DNER: variants seen among roughly 807,000 people sequenced by gnomAD.
The protein encoded by DNER is delta/notch like EGF repeat containing, also known as delta and Notch-like epidermal growth factor-related receptor.
Under a neutral mutation model 78.2 loss-of-function variants are expected in DNER, and 33 were observed. The ratio of observed to expected loss-of-function variants is 0.42; its 90% confidence interval spans 0.32 to 0.56. The LOEUF is 0.56. Among genes scored for constraint, DNER ranks in the 20% least tolerant of loss-of-function variants. DNER has a pLI of 0.11. For missense variants in DNER, 918 were observed against 975.3 expected, an observed-to-expected ratio of 0.94 and a Z score of 0.78; for synonymous variants, 417 against 384.8, an observed-to-expected ratio of 1.08 and a Z score of -0.98.
At chr2:229,435,504 G>T (rs1467214012) in intron 8 of DNER, among the ~76,000 whole-genome samples, 1 of 152,172 alleles carries the variant, frequency 6.6e-6, no homozygotes, top group East Asian at 1.9e-4. Flanking sequence ...TGATTGCCAG[G>T]TACAATGTCT....
chr2:229,366,026 G>A (rs1270265353), intron 12 of DNER, among the ~76,000 whole-genome samples: 4 of 152,272 alleles, frequency 2.6e-5, no homozygotes, highest in South Asian at 4.1e-4. Context: ...AAGTAAATAT[G>A]GGGTTTTCTG....
At chr2:229,366,558 A>C (rs546948069) in intron 12 of DNER, among the ~76,000 whole-genome samples, 1 of 152,326 alleles carries the variant, frequency 6.6e-6, no homozygotes, top group South Asian at 2.1e-4. Context: ...GACATTCCCC[A>C]AAAAAATTCA....
chr2:229,687,887 A>G (rs1458456032), intron 1 of DNER, among the ~76,000 whole-genome samples: 1 of 152,136 alleles, frequency 6.6e-6, no homozygotes, highest in Non-Finnish European at 1.5e-5. Flanking sequence ...AGTCAACTCT[A>G]CCTTAACTGT....
At chr2:229,551,861 G>A (rs1696748586) in intron 4 of DNER, among the ~76,000 whole-genome samples, 1 of 152,112 alleles carries the variant, frequency 6.6e-6, no homozygotes, top group Non-Finnish European at 1.5e-5. Flanking sequence ...GAACCCGGGA[G>A]GCGGAGGTTG....
chr2:229,387,483 A>AAAAG (rs58243326), intron 11 of DNER, among the ~76,000 whole-genome samples: 9,850 of 110,546 alleles, frequency 0.089, 1,215 homozygotes, highest in Non-Finnish European at 0.11. Context: ...AATAGAAAGA[A>AAAAG]AAAGAAAGAA....
At chr2:229,586,084 G>C in intron 3 of DNER, 60 bp from the exon 4 acceptor site, 1 of 1,524,432 alleles carries the variant, frequency 6.6e-7, no homozygotes, top group Non-Finnish European at 8.8e-7. Flanking sequence ...CTTAGAACCA[G>C]TTCTTCAAAT....
chr2:229,502,422 CTG>C (rs60473102), intron 6 of DNER, among the ~76,000 whole-genome samples: 20,914 of 152,066 alleles, frequency 0.14, 1,495 homozygotes, highest in South Asian at 0.19. Flanking sequence ...AATGCCAAAA[CTG>C]TACTGCTTGT....
At position 229,566,226 on chromosome 2, in the gene DNER, T is replaced by C. The variant is rs571118659; in HGVS notation, c.848-19134A>G. Among the ~76,000 whole-genome samples the C allele has an allele frequency of 5.3e-5, 8 of 152,314 alleles. No individual in the cohort carries two copies. The South Asian group carries it at 1.4e-3, about 28-fold the overall frequency. ...TTACCTGCCTGGCTATTGCAAGCAT[T>C]GTGAACATGATCTTTCAATTGTCTT... On this transcript the variant is annotated intron_variant, in intron 4 of 12. Coordinates refer to ENST00000341772, the MANE Select transcript of DNER (RefSeq NM_139072.4).
In DNER at chr2:229,601,427, C is replaced by T. The variant is rs186010929; in HGVS notation, c.277-9539G>A. ...TTCCCAAATCCAAATAATAAAAATG[C>T]TCATTCGCTTTACTGAATCAAGAAC... On this transcript the variant is annotated intron_variant, in intron 1 of 12. Coordinates refer to ENST00000341772, the MANE Select transcript of DNER (RefSeq NM_139072.4). 3.1e-3 allele frequency among the ~76,000 whole-genome samples: 466 copies of T among 152,282 alleles called. 5 individuals are homozygous for T. Among genetic ancestry groups the T allele is most frequent in the Non-Finnish European group, 4.8e-3 (325 of 68,018 alleles).
At chr2:229,496,577 A>G (rs1695507433) in intron 6 of DNER, among the ~76,000 whole-genome samples, 1 of 152,140 alleles carries the variant, frequency 6.6e-6, no homozygotes, top group Admixed American at 6.6e-5. Flanking sequence ...ACTTTTAAGG[A>G]CACACATAGA....
intron 1 of DNER, among the ~76,000 whole-genome samples, chr2:229,713,617 C>G (rs1699942203): frequency 6.6e-6 from 1 of 152,258 alleles, no homozygotes; most frequent in Admixed American, 6.5e-5. Context: ...TGCTTTGTCA[C>G]AGCCCTCAAG....
chr2:229,549,789 T>C (rs886094206), intron 4 of DNER, among the ~76,000 whole-genome samples: 1 of 151,700 alleles, frequency 6.6e-6, no homozygotes, highest in African/African-American at 2.4e-5. Flanking sequence ...CATGCGCCTG[T>C]AATCCCAGGT....
chr2:229,522,052 C>A (rs1242829447), intron 5 of DNER, among the ~76,000 whole-genome samples: 1 of 152,014 alleles, frequency 6.6e-6, no homozygotes. Context: ...TAGAAACATG[C>A]AGATCATCTC....
At chr2:229,512,208 C>T (rs1238979532) in intron 6 of DNER, among the ~76,000 whole-genome samples, 1 of 152,002 alleles carries the variant, frequency 6.6e-6, no homozygotes, top group Non-Finnish European at 1.5e-5. Flanking sequence ...CATGATGAAA[C>T]CCCATCTCTA....
At chr2:229,515,639 ATTT>A (rs1162899815) in intron 5 of DNER, among the ~76,000 whole-genome samples, 9 of 71,538 alleles carry the variant, frequency 1.3e-4, no homozygotes, top group South Asian at 6.4e-4. Flanking sequence ...AGTTAGCTTT[ATTT>A]TTTTATTTTT....
chr2:229,638,558 T>G (rs1299337061), intron 1 of DNER, among the ~76,000 whole-genome samples: 1 of 152,174 alleles, frequency 6.6e-6, no homozygotes, highest in Admixed American at 6.5e-5. Context: ...CATTTTGACA[T>G]GCAGTGTGCC....
At chr2:229,389,298 C>A (rs774294425) in intron 10 of DNER, among the ~76,000 whole-genome samples, 11 of 151,216 alleles carry the variant, frequency 7.3e-5, no homozygotes, top group Non-Finnish European at 1.3e-4. Context: ...TCAAACACCA[C>A]CTTAGAACAA....
chr2:229,426,988 C>G (rs1017102003), intron 8 of DNER, among the ~76,000 whole-genome samples: 1 of 152,212 alleles, frequency 6.6e-6, no homozygotes, highest in Non-Finnish European at 1.5e-5. Flanking sequence ...TCTCTAATTT[C>G]TTATCCTTTT....
chr2:229,636,167 C>T (rs1309493734), intron 1 of DNER, among the ~76,000 whole-genome samples: 1 of 152,136 alleles, frequency 6.6e-6, no homozygotes, highest in African/African-American at 2.4e-5. Flanking sequence ...TCGTACTCAG[C>T]GTTTTCCTGA....
Sources: gnomAD v4.1 joint callset for allele counts (sites outside exome capture counted in the v4.1 genomes callset) on GRCh38, gnomAD v4.1.1 for gene constraint, MANE v1.5 for transcripts, NCBI Gene and HGNC (gene_info 2026-07-23, HGNC 2026-07-21) for gene names.